ARID1B: variants seen among roughly 807,000 people sequenced by gnomAD.
The protein encoded by ARID1B is AT-rich interactive domain-containing protein 1B.
In ARID1B, 30 loss-of-function variants were observed where a neutral mutation model predicts 212.3. The ratio of observed to expected loss-of-function variants is 0.14; its 90% CI spans 0.11 to 0.19. ARID1B has a LOEUF of 0.19. ARID1B is among the 10% of genes least tolerant of loss of function. The pLI, the probability that ARID1B is intolerant of heterozygous loss-of-function variation, is 1.00. For synonymous variants in ARID1B, 1,402 were observed against 1,301.7 expected (o/e 1.08, Z -1.66); for missense variants, 2,891 against 3,204.0 (o/e 0.90, Z 2.36).
At chr6:156,798,869 C>A (rs922580686) in intron 1 of ARID1B, among the ~76,000 whole-genome samples, 2 of 152,142 alleles carry the variant, frequency 1.3e-5, no homozygotes, top group Admixed American at 1.3e-4. Flanking sequence ...TTTCTCTTTA[C>A]CCCCTCTGAA....
intron 6 of ARID1B, among the ~76,000 whole-genome samples, chr6:157,125,794 C>T (rs1347968176): frequency 6.6e-6 from 1 of 152,156 alleles, no homozygotes; most frequent in Admixed American, 6.5e-5. Flanking sequence ...CATTCATGCC[C>T]CTGGCACCTC....
At position 156,778,763 on chromosome 6, in the gene ARID1B, C is replaced by G. The variant is rs1778896646; in HGVS notation, c.1083C>G (p.Gly361=). The part of the protein sequence containing the change: ...SASAAAAGAP[G]SMDPLQNSHE... Reference sequence around the variant, plus strand: ...CCGCCGCCGCCGCCGGGGCCCCCGGCAGCATGGACCCCCTGCAGAACTCCC... The same window carrying G: ...CCGCCGCCGCCGCCGGGGCCCCCGGGAGCATGGACCCCCTGCAGAACTCCC... The change falls in exon 1 of 20, where the codon GGC becomes GGG. Residue 361 remains glycine (G), a synonymous_variant. Coordinates refer to ENST00000636930, the MANE Select transcript of ARID1B (RefSeq NM_001374828.1). The G allele has an allele frequency of 6.6e-7, 1 of 1,522,388 alleles. No homozygotes were observed. Among genetic ancestry groups the G allele is most frequent in the Admixed American group, 2.1e-5 (1 of 48,682 alleles). The allele number at this position is 1,522,388 out of a possible 1,614,324, so 94.3% of individuals were successfully genotyped here.
chr6:156,998,487 T>G (rs977773670), intron 4 of ARID1B, among the ~76,000 whole-genome samples: 1 of 152,134 alleles, frequency 6.6e-6, no homozygotes, highest in African/African-American at 2.4e-5. Context: ...CCTCCCAAAG[T>G]GCTGGGATTA....
chr6:157,110,450 C>G, intron 5 of ARID1B, 22 bp from the exon 6 acceptor site: 1 of 1,611,864 alleles, frequency 6.2e-7, no homozygotes. Context: ...CCCATCTCCA[C>G]TTTCCCTCCT....
intron 4 of ARID1B, among the ~76,000 whole-genome samples, chr6:157,021,527 C>T (rs1255646862): frequency 6.6e-6 from 1 of 152,230 alleles, no homozygotes; most frequent in East Asian, 1.9e-4. Context: ...CCCTCCCTAC[C>T]CCGCACGTAG....
chr6:157,099,324 C>T (rs1785896792), intron 5 of ARID1B, among the ~76,000 whole-genome samples: 2 of 152,130 alleles, frequency 1.3e-5, no homozygotes, highest in African/African-American at 4.8e-5. Flanking sequence ...ACCATGTATC[C>T]TCTGACTTAA....
chr6:156,946,226 G>A (rs555702323), intron 4 of ARID1B, among the ~76,000 whole-genome samples: 4 of 148,104 alleles, frequency 2.7e-5, no homozygotes, highest in East Asian at 2.0e-4. Context: ...AAAAATGTTC[G>A]CCGGGCATGG....
intron 3 of ARID1B, among the ~76,000 whole-genome samples, chr6:156,920,002 T>A (rs930714840): frequency 1.3e-5 from 2 of 152,210 alleles, no homozygotes; most frequent in Non-Finnish European, 2.9e-5. Context: ...AGAGGAGGAT[T>A]TATGGAATTG....
rs1794530025 is a variant in ARID1B, at chr6:157,207,129, G to C, written c.6357G>C (p.Glu2119Asp). The stretch of plus-strand genomic sequence containing the variant: ...GAAAGCGAGCACCGCAGACCTATGA[G>C]AAAGAGGAGGATGAGGACAAGGGGG... ...PERKRAPQTY[E>D]KEEDEDKGVA... The change falls in exon 20 of 20, where the codon GAG becomes GAC. Residue 2119 changes from glutamate (E) to aspartate (D), a missense_variant. Glu to Asp is a conservative substitution (Grantham distance 45). Around this residue, in one of 7 missense-constraint regions of ARID1B, gnomAD observed 41 missense variants for 40.4 expected, o/e 1.01. Transcript: ENST00000636930. This position sits in a 1 kb window ranked among gnomAD's most constrained non-coding sequence, Gnocchi z 8.5. 6.2e-7 allele frequency: 1 copy of C among 1,614,100 alleles called. No individual in the cohort carries two copies. Among genetic ancestry groups the C allele is most frequent in the African/African-American group, 1.3e-5 (1 of 74,918 alleles).
chr6:157,084,663 A>T lies in ARID1B; in HGVS notation c.2249A>T (p.Asp750Val), dbSNP rs2128462031. The T allele has an allele frequency of 6.2e-7, 1 of 1,614,006 alleles. No homozygotes were observed. The highest frequency in any genetic ancestry group is 8.5e-7 in the Non-Finnish European group (1 of 1,179,954). Residue 750 changes from aspartate to valine, a missense_variant and splice_region_variant, in exon 5 of 20, where the codon GAT becomes GTT. Asp to Val is a radical substitution (Grantham distance 152). Coordinates refer to ENST00000636930, the MANE Select transcript of ARID1B (RefSeq NM_001374828.1). Reference protein sequence around the residue: ...IQQERPSSLPDLSGSIDDLPT... With the variant: ...IQQERPSSLPVLSGSIDDLPT... ...TAAATACATCTTTTCCTTTCTTAGG[A>T]TCTGTCTGGCTCCATTGATGACCTC... is the stretch of plus-strand genomic sequence containing the variant.
At chr6:156,840,413 G>A (rs1783812849) in intron 2 of ARID1B, among the ~76,000 whole-genome samples, 1 of 152,220 alleles carries the variant, frequency 6.6e-6, no homozygotes, top group South Asian at 2.1e-4. Context: ...GCCTAGGCCG[G>A]CAGGGACTGT....
In ARID1B at chr6:157,201,144, G is replaced by A. The variant is rs2128374852; in HGVS notation, c.4919G>A (p.Ser1640Asn). The A allele has an allele frequency of 1.2e-6, 2 of 1,614,152 alleles. No individual in the cohort carries two copies. Among genetic ancestry groups the A allele is most frequent in the Admixed American group, 3.3e-5 (2 of 60,022 alleles). The part of the protein sequence containing the change: ...NHESQWPSHV[S>N]QRQPYMSSSA... ...GAGAGCCAGTGGCCTTCTCACGTCA[G>A]CCAGCGTCAGCCTTATATGTCGTCC... The change falls in exon 18 of 20, where the codon AGC becomes AAC. Residue 1640 changes from serine to asparagine, a missense_variant. Ser to Asn is a conservative substitution (Grantham distance 46). Around this residue, in one of 7 missense-constraint regions of ARID1B, gnomAD observed 666 missense variants for 873.5 expected, o/e 0.76. Transcript: ENST00000636930. This position sits in a 1 kb window ranked among gnomAD's most constrained non-coding sequence, Gnocchi z 5.2.
intron 5 of ARID1B, among the ~76,000 whole-genome samples, chr6:157,096,532 A>G (rs143942103): frequency 6.6e-6 from 1 of 152,356 alleles, no homozygotes; most frequent in East Asian, 1.9e-4. Flanking sequence ...TGAAAGAAGT[A>G]ATGGAGAGTA....
At chr6:156,872,294 C>A (rs1028074160) in intron 2 of ARID1B, among the ~76,000 whole-genome samples, 2 of 152,156 alleles carry the variant, frequency 1.3e-5, no homozygotes, top group Non-Finnish European at 2.9e-5. Flanking sequence ...TTTTTGGAAT[C>A]ATACCTGGTC....
intron 2 of ARID1B, among the ~76,000 whole-genome samples, chr6:156,878,726 C>T (rs1032620748): frequency 6.6e-6 from 1 of 152,216 alleles, no homozygotes; most frequent in East Asian, 1.9e-4. Flanking sequence ...TGAGGAGTTA[C>T]CCAAATCCCA....
intron 4 of ARID1B, among the ~76,000 whole-genome samples, chr6:156,957,326 T>G (rs1794042851): frequency 6.6e-6 from 1 of 152,176 alleles, no homozygotes; most frequent in Non-Finnish European, 1.5e-5. Context: ...GTTGAGTACC[T>G]TGAAGATCTC....
At chr6:156,994,402 G>A (rs1001177490) in intron 4 of ARID1B, among the ~76,000 whole-genome samples, 2 of 151,956 alleles carry the variant, frequency 1.3e-5, no homozygotes, top group Admixed American at 6.6e-5. Flanking sequence ...TCCAGAGAAC[G>A]CCCTCTGATT....
chr6:156,977,691 G>A, intron 4 of ARID1B, among the ~76,000 whole-genome samples: 1 of 82,556 alleles, frequency 1.2e-5, no homozygotes, highest in Non-Finnish European at 3.1e-5. Flanking sequence ...GTTTTTGTTT[G>A]CTTTTGTTTT....
chr6:156,777,020 A>T (rs1388828493), upstream of ARID1B: 1 of 152,248 alleles, frequency 6.6e-6, no homozygotes, highest in African/African-American at 2.4e-5. Context: ...CCAATAGACA[A>T]CTTTGTTTCC....
Sources: gnomAD v4.1 joint callset for allele counts (sites outside exome capture counted in the v4.1 genomes callset) on GRCh38, gnomAD v4.1.1 for gene constraint, gnomAD v4.1.1 regional missense constraint, Gnocchi (gnomAD v3.1) non-coding constraint, MANE v1.5 for transcripts, NCBI Gene and HGNC (gene_info 2026-07-23, HGNC 2026-07-21) for gene names.